The following GNAQ variants were observed in gnomAD, a reference collection of about 807,000 sequenced individuals.
GNAQ encodes the protein G protein subunit alpha q.
GNAQ carries 8 observed loss-of-function variants against 43.9 expected under a neutral mutation model. The observed-to-expected ratio is 0.18, with a 90% confidence interval of 0.11 to 0.33. GNAQ has a LOEUF of 0.33. Among genes scored for constraint, GNAQ ranks in the 10% least tolerant of loss-of-function variants. The pLI is 1.00. For missense variants in GNAQ, 158 were observed against 450.8 expected (o/e 0.35, Z 5.88); for synonymous variants, 155 against 170.7 (o/e 0.91, Z 0.71).
intron 2 of GNAQ, among the ~76,000 whole-genome samples, chr9:77,854,870 G>T (rs1352286730): frequency 6.6e-6 from 1 of 152,174 alleles, no homozygotes; most frequent in East Asian, 1.9e-4. Context: ...TCACCTAGAA[G>T]TTCAGGGTTT....
chr9:77,809,462 T>C (rs528562836), intron 3 of GNAQ, among the ~76,000 whole-genome samples: 2 of 152,276 alleles, frequency 1.3e-5, no homozygotes, highest in South Asian at 2.1e-4. Context: ...TTAAAGCAGG[T>C]GGTGAAATCT....
At chr9:77,724,485 C>T (rs1661605037) in intron 6 of GNAQ, among the ~76,000 whole-genome samples, 1 of 152,178 alleles carries the variant, frequency 6.6e-6, no homozygotes, top group Non-Finnish European at 1.5e-5. Flanking sequence ...GCGTGAGCCA[C>T]CACACCCAGC....
At chr9:77,971,468 G>C (rs1276285966) in intron 1 of GNAQ, among the ~76,000 whole-genome samples, 2 of 152,166 alleles carry the variant, frequency 1.3e-5, no homozygotes, top group Non-Finnish European at 2.9e-5. Context: ...TGCAAGGCTG[G>C]TTCAACATAC....
intron 2 of GNAQ, among the ~76,000 whole-genome samples, chr9:77,890,619 A>G (rs1046006274): frequency 5.3e-5 from 8 of 152,250 alleles, no homozygotes; most frequent in African/African-American, 1.9e-4. Flanking sequence ...GCTACTTGGG[A>G]GGCTGAGGCA....
At chr9:77,814,033 C>T (rs966602548) in intron 3 of GNAQ, among the ~76,000 whole-genome samples, 17 of 151,960 alleles carry the variant, frequency 1.1e-4, no homozygotes, top group African/African-American at 3.9e-4. Context: ...ACAGGAGAGA[C>T]ATAATGAATG....
chr9:77,749,517 G>C (rs1825780007), intron 5 of GNAQ, among the ~76,000 whole-genome samples: 1 of 152,134 alleles, frequency 6.6e-6, no homozygotes, highest in Non-Finnish European at 1.5e-5. Context: ...GAGGACTTCA[G>C]AAACATTTAT....
intron 5 of GNAQ, among the ~76,000 whole-genome samples, chr9:77,744,258 C>G (rs1431336127): frequency 1.3e-5 from 2 of 152,172 alleles, no homozygotes; most frequent in African/African-American, 4.8e-5. Context: ...GCTCACACTA[C>G]ATGAGGCATC....
chr9:78,008,603 TCA>T (rs1414821484), intron 1 of GNAQ, among the ~76,000 whole-genome samples: 273 of 146,624 alleles, frequency 1.9e-3, no homozygotes, highest in African/African-American at 7.2e-3. Flanking sequence ...TCATTTCATT[TCA>T]TTTCATTTCA....
intron 5 of GNAQ, among the ~76,000 whole-genome samples, chr9:77,745,390 C>A (rs140834711): frequency 6.6e-6 from 1 of 151,806 alleles, no homozygotes; most frequent in Non-Finnish European, 1.5e-5. Context: ...GCAAACGCAC[C>A]GCAGTGAGTA....
At chr9:77,863,596 A>C (rs1485167300) in intron 2 of GNAQ, among the ~76,000 whole-genome samples, 1 of 152,124 alleles carries the variant, frequency 6.6e-6, no homozygotes, top group African/African-American at 2.4e-5. Flanking sequence ...GTATCTTTTC[A>C]GCAGTGCCCC....
chr9:77,716,170 A>C lies in GNAQ; in HGVS notation c.*5153T>G, dbSNP rs1441057482. On this transcript the variant is annotated 3_prime_UTR_variant, in exon 7 of 7. Transcript: ENST00000286548. ...TATGCACAAGGTGTGTTAAGGAAGG[A>C]AAGATGTATTTCAGTACTCCTACTA... The C allele has an allele frequency of 2.0e-5, 4 of 200,442 alleles. No individual in the cohort carries two copies. The highest frequency in any genetic ancestry group is 6.0e-5 in the Admixed American group (1 of 16,610). 12.4% of individuals were successfully genotyped at this position (200,442 alleles called of 1,614,324 possible).
chr9:77,947,599 C>G (rs1454278135), intron 1 of GNAQ, among the ~76,000 whole-genome samples: 5 of 152,194 alleles, frequency 3.3e-5, no homozygotes, highest in African/African-American at 1.2e-4. Flanking sequence ...GCAGCTATTA[C>G]CCATACATGC....
chr9:77,919,081 G>A (rs1828958561), intron 2 of GNAQ, among the ~76,000 whole-genome samples: 1 of 152,004 alleles, frequency 6.6e-6, no homozygotes, highest in East Asian at 1.9e-4. Context: ...CACCACGCCT[G>A]GCTAATTTTT....
intron 2 of GNAQ, among the ~76,000 whole-genome samples, chr9:77,865,668 C>G (rs1025350184): frequency 2.0e-5 from 3 of 152,142 alleles, no homozygotes; most frequent in Non-Finnish European, 2.9e-5. Flanking sequence ...CCCAGCTCTG[C>G]CAGTCACAGT....
intron 1 of GNAQ, among the ~76,000 whole-genome samples, chr9:77,981,649 C>G (rs1231587635): frequency 3.3e-5 from 5 of 152,164 alleles, no homozygotes; most frequent in Admixed American, 1.3e-4. Context: ...AAATACTTAT[C>G]CCTTTTGACA....
chr9:77,764,604 C>T (rs879936162), intron 5 of GNAQ, among the ~76,000 whole-genome samples: 2 of 151,966 alleles, frequency 1.3e-5, no homozygotes, highest in African/African-American at 2.4e-5. Flanking sequence ...TACAGGTGCC[C>T]GCCACCATGC....
chr9:77,735,504 GA>G (rs1564094794), intron 5 of GNAQ, among the ~76,000 whole-genome samples: 2 of 152,058 alleles, frequency 1.3e-5, no homozygotes, highest in Admixed American at 6.6e-5. Context: ...AAAGCTGTAT[GA>G]AAAAAAATTT....
intron 2 of GNAQ, among the ~76,000 whole-genome samples, chr9:77,906,584 CT>C (rs1157575980): frequency 6.6e-6 from 1 of 152,162 alleles, no homozygotes; most frequent in Non-Finnish European, 1.5e-5. Flanking sequence ...AAAAAAATCA[CT>C]ATTTTGTATA....
chr9:78,017,179 G>T (rs1179593555), intron 1 of GNAQ, among the ~76,000 whole-genome samples: 1 of 152,142 alleles, frequency 6.6e-6, no homozygotes, highest in Non-Finnish European at 1.5e-5. Flanking sequence ...TCCAGAGATG[G>T]GAGTAAGACC....
Sources: allele counts gnomAD v4.1 joint callset (sites outside exome capture counted in the v4.1 genomes callset), GRCh38; gene constraint gnomAD v4.1.1; transcripts MANE v1.5; gene names NCBI Gene and HGNC (gene_info 2026-07-23, HGNC 2026-07-21).